DGCR2: variants seen among roughly 807,000 people sequenced by gnomAD.
The protein encoded by DGCR2 is integral membrane protein DGCR2/IDD.
DGCR2 carries 24 observed loss-of-function variants against 51.6 expected under a neutral mutation model. The observed-to-expected ratio is 0.47, with a 90% CI of 0.34 to 0.65. The LOEUF (loss-of-function observed/expected upper bound fraction) is 0.65, where lower values mean the gene tolerates loss of function less well. Among genes scored for constraint, DGCR2 ranks in the 30% least tolerant of loss-of-function variants. The pLI is 0.01. For missense variants in DGCR2, 765 were observed against 772.1 expected (o/e 0.99, Z 0.11); for synonymous variants, 340 against 315.4 (o/e 1.08, Z -0.82).
intron 9 of DGCR2, among the ~76,000 whole-genome samples, chr22:19,040,551 CAGAT>C (rs1425402609): frequency 1.3e-5 from 2 of 152,212 alleles, no homozygotes; most frequent in African/African-American, 2.4e-5. Context: ...CGCCCACTCT[CAGAT>C]GGGTGGTAGG....
intron 1 of DGCR2, among the ~76,000 whole-genome samples, chr22:19,107,638 T>C (rs2083272718): frequency 6.6e-6 from 1 of 152,022 alleles, no homozygotes; most frequent in Admixed American, 6.5e-5. Context: ...TCATATAAGA[T>C]GAAAGAAGAG....
chr22:19,073,011 C>G (rs1211453896), intron 2 of DGCR2, among the ~76,000 whole-genome samples: 1 of 152,096 alleles, frequency 6.6e-6, no homozygotes, highest in Admixed American at 6.6e-5. Context: ...AATCCCAACA[C>G]TTTGGGAGGC....
intron 2 of DGCR2, among the ~76,000 whole-genome samples, chr22:19,085,956 G>T (rs1215864955): frequency 6.6e-6 from 1 of 152,112 alleles, no homozygotes; most frequent in African/African-American, 2.4e-5. Context: ...CAAACACAAA[G>T]AGTTTCCTTT....
chr22:19,118,374 CAAA>C lies in DGCR2; in HGVS notation c.79+3751_79+3753del, dbSNP rs923572855. ...TGACAGACAGAAACTCCATCGCAAA[CAAA>C]AAAAAAAAAAAAAAAAAAAAACAAC... On this transcript the variant is annotated intron_variant, in intron 1 of 9. Coordinates refer to ENST00000263196, the MANE Select transcript of DGCR2 (RefSeq NM_005137.3). Among the ~76,000 whole-genome samples, 266 of 56,750 alleles carry C rather than the reference CAAA, an allele frequency of 4.7e-3. 3 individuals carry two copies. Among genetic ancestry groups the C allele is most frequent in the Admixed American group, 0.042 (206 of 4,864 alleles). The allele number at this position is 56,750 out of a possible 152,430, so 37.2% of individuals were successfully genotyped here.
chr22:19,084,311 G>C (rs2082980717), intron 2 of DGCR2, among the ~76,000 whole-genome samples: 1 of 151,444 alleles, frequency 6.6e-6, no homozygotes. Flanking sequence ...TCTGAGATAT[G>C]GGGAGCGCCT....
At chr22:19,098,083 TA>T (rs935137360) in intron 1 of DGCR2, among the ~76,000 whole-genome samples, 14 of 150,050 alleles carry the variant, frequency 9.3e-5, no homozygotes, top group Admixed American at 4.0e-4. Context: ...TCCAGACTTT[TA>T]AAAAAAAAAT....
At chr22:19,117,433 A>T (rs2083385297) in intron 1 of DGCR2, among the ~76,000 whole-genome samples, 1 of 152,210 alleles carries the variant, frequency 6.6e-6, no homozygotes, top group African/African-American at 2.4e-5. Flanking sequence ...TGCACCCATG[A>T]GACCTTCCCA....
At chr22:19,103,681 G>A (rs1438953511) in intron 1 of DGCR2, among the ~76,000 whole-genome samples, 1 of 143,120 alleles carries the variant, frequency 7.0e-6, no homozygotes, top group Non-Finnish European at 1.5e-5. Context: ...ACCTGCCTCG[G>A]CCTCCTAAAG....
chr22:19,068,848 T>G (rs2082781099), intron 2 of DGCR2, among the ~76,000 whole-genome samples: 1 of 152,248 alleles, frequency 6.6e-6, no homozygotes, highest in South Asian at 2.1e-4. Flanking sequence ...AACAGGCAGC[T>G]GAAGATGAGG....
At chr22:19,118,352 C>CA (rs1297169442) in intron 1 of DGCR2, among the ~76,000 whole-genome samples, 1 of 122,778 alleles carries the variant, frequency 8.1e-6, no homozygotes, top group Admixed American at 1.1e-4. Context: ...GCCTGGGTGA[C>CA]AGACAGAAAC....
intron 1 of DGCR2, among the ~76,000 whole-genome samples, chr22:19,113,204 T>C (rs2083335265): frequency 6.6e-6 from 1 of 151,928 alleles, no homozygotes; most frequent in South Asian, 2.1e-4. Context: ...ACCCCATCTT[T>C]ACTAAAAATA....
At position 19,048,615 on chromosome 22, in the gene DGCR2, G is replaced by T; in HGVS notation, c.831C>A (p.Asn277Lys). The change falls in exon 7 of 10, where the codon AAC becomes AAA. Residue 277 changes from asparagine to lysine, a missense_variant. By Grantham distance (94) the Asn-to-Lys change is moderately conservative. Transcript: ENST00000263196. ...RSQTCVDIKD[N>K]VVDEGFYFTP... ...TGAAGTAGAACCCTTCATCCACCAC[G>T]TTGTCCTTGATGTCAACACATGTTT... The T allele has an allele frequency of 6.2e-7, 1 of 1,614,214 alleles. No homozygotes were observed. The highest frequency in any genetic ancestry group is 1.1e-5 in the South Asian group (1 of 91,084).
intron 5 of DGCR2, chr22:19,061,628 C>G (rs2082664336): frequency 6.6e-6 from 1 of 152,210 alleles, no homozygotes; most frequent in Non-Finnish European, 1.5e-5. Flanking sequence ...CAGAACCACT[C>G]ATGATGCTGA....
intron 6 of DGCR2, among the ~76,000 whole-genome samples, chr22:19,050,264 C>T (rs2082535421): frequency 6.6e-6 from 1 of 152,152 alleles, no homozygotes; most frequent in African/African-American, 2.4e-5. Context: ...CTAAGGGAAC[C>T]CCAATAAGAC....
intron 1 of DGCR2, among the ~76,000 whole-genome samples, chr22:19,101,737 TAAAAAAA>T (rs764584649): frequency 9.0e-6 from 1 of 110,990 alleles, no homozygotes; most frequent in African/African-American, 3.5e-5. Context: ...GCAAAACTGT[TAAAAAAA>T]AAAAAAAAAA....
At chr22:19,121,965 A>C (rs1341236627) in intron 1 of DGCR2, 163 bp downstream of exon 1, 1 of 325,508 alleles carries the variant, frequency 3.1e-6, no homozygotes, top group Non-Finnish European at 5.3e-6. Context: ...AAGCTCCAGC[A>C]GGCGTCCGCA....
chr22:19,060,696 G>A, intron 5 of DGCR2: 1 of 294,896 alleles, frequency 3.4e-6, no homozygotes, highest in South Asian at 2.8e-5. Context: ...CAGAAATCCT[G>A]GCCTCATGTC....
chr22:19,062,775 G>GCTGTCTCTGTCTCTGTCTCTCT (rs2082686000), intron 5 of DGCR2, among the ~76,000 whole-genome samples: 1 of 108,860 alleles, frequency 9.2e-6, no homozygotes, highest in Non-Finnish European at 1.9e-5. Flanking sequence ...ACACATGCAT[G>GCTGTCTCTGTCTCTGTCTCTCT]CTCACTCTCT....
At chr22:19,118,454 T>C (rs1254416404) in intron 1 of DGCR2, among the ~76,000 whole-genome samples, 3 of 150,966 alleles carry the variant, frequency 2.0e-5, no homozygotes, top group African/African-American at 7.3e-5. Flanking sequence ...CCCTGAGATG[T>C]GATCAGCTCA....
Sources: gnomAD v4.1 joint callset for allele counts (sites outside exome capture counted in the v4.1 genomes callset) on GRCh38, gnomAD v4.1.1 for gene constraint, MANE v1.5 for transcripts, NCBI Gene and HGNC (gene_info 2026-07-23, HGNC 2026-07-21) for gene names.